The following DOCK3 variants were observed in gnomAD, a reference collection of about 807,000 sequenced individuals.
DOCK3 encodes the protein dedicator of cytokinesis protein 3.
DOCK3 carries 60 observed loss-of-function variants against 265.6 expected under a neutral mutation model. The ratio of observed to expected loss-of-function variants is 0.23; its 90% CI spans 0.18 to 0.28. DOCK3 has a LOEUF of 0.28. Among genes scored for constraint, DOCK3 ranks in the 10% least tolerant of loss-of-function variants. The pLI is 1.00. For missense variants in DOCK3, 1,981 were observed against 2,594.3 expected (o/e 0.76, Z 5.14); for synonymous variants, 881 against 938.0 (o/e 0.94, Z 1.11).
intron 6 of DOCK3, 138 bp downstream of exon 6, chr3:51,064,734 T>C: frequency 8.4e-7 from 1 of 1,183,520 alleles, no homozygotes; most frequent in Non-Finnish European, 1.2e-6. Flanking sequence ...TCATCATTTT[T>C]GCTAGGAGCA....
chr3:50,981,982 GGGACTACA>G (rs373133113), intron 5 of DOCK3, among the ~76,000 whole-genome samples: 98 of 152,212 alleles, frequency 6.4e-4, no homozygotes, highest in African/African-American at 2.3e-3. Flanking sequence ...CCCAGTAGCT[GGGACTACA>G]GGAGCATGCC....
rs2088750593 is a variant in DOCK3 at position 51,201,301 on chromosome 3, A to T, written c.1038-7473A>T. 3.3e-5 allele frequency among the ~76,000 whole-genome samples: 5 copies of T among 151,260 alleles called. No homozygotes were observed. The South Asian group carries it at 1.1e-3, about 32-fold the overall frequency. Reference sequence around the variant, plus strand: ...ACCCATCTCACGTGCAGAGACACACATAGGCTCAAAATAAAAGGATGGAGG... The same window carrying T: ...ACCCATCTCACGTGCAGAGACACACTTAGGCTCAAAATAAAAGGATGGAGG... On this transcript the variant is annotated intron_variant, in intron 12 of 52. Coordinates refer to ENST00000266037, the MANE Select transcript of DOCK3 (RefSeq NM_004947.5).
chr3:51,245,102 G>A (rs2078767007), intron 21 of DOCK3, among the ~76,000 whole-genome samples: 1 of 152,158 alleles, frequency 6.6e-6, no homozygotes, highest in Admixed American at 6.5e-5. Flanking sequence ...GCTGAGGCGG[G>A]TGGATCACTT....
intron 33 of DOCK3, 75 bp downstream of exon 33, chr3:51,330,298 A>T (rs12636641): frequency 2.1e-6 from 3 of 1,434,022 alleles, no homozygotes; most frequent in Non-Finnish European, 2.9e-6. Context: ...AGAGGTTGCA[A>T]CTGCACTGGC....
chr3:50,854,449 C>T (rs1416964819), intron 3 of DOCK3, among the ~76,000 whole-genome samples: 8 of 139,382 alleles, frequency 5.7e-5, no homozygotes, highest in South Asian at 2.4e-4. Context: ...TTTATTTTGG[C>T]GAACAGGGTC....
chr3:50,983,770 A>G (rs1284071200), intron 5 of DOCK3, among the ~76,000 whole-genome samples: 1 of 152,160 alleles, frequency 6.6e-6, no homozygotes, highest in Admixed American at 6.5e-5. Context: ...GTGAGGCTAA[A>G]AGAGCTATAA....
intron 2 of DOCK3, among the ~76,000 whole-genome samples, chr3:50,815,255 A>G (rs1408044006): frequency 6.6e-6 from 1 of 152,146 alleles, no homozygotes; most frequent in African/African-American, 2.4e-5. Context: ...TATTTGGCTT[A>G]TATGTCATTA....
intron 17 of DOCK3, among the ~76,000 whole-genome samples, chr3:51,228,290 T>A (rs1175520165): frequency 6.6e-6 from 1 of 152,224 alleles, no homozygotes; most frequent in Non-Finnish European, 1.5e-5. Context: ...GCCAACAGGT[T>A]CTTTGTTTTC....
intron 1 of DOCK3, among the ~76,000 whole-genome samples, chr3:50,692,139 ACTTCTAT>A (rs1045328429): frequency 2.0e-5 from 3 of 151,848 alleles, no homozygotes; most frequent in African/African-American, 4.8e-5. Flanking sequence ...CTGGTTTTGA[ACTTCTAT>A]CTTCTAGAGA....
At chr3:51,353,617 A>G (rs1057215578) in intron 40 of DOCK3, among the ~76,000 whole-genome samples, 10 of 152,090 alleles carry the variant, frequency 6.6e-5, no homozygotes, top group African/African-American at 2.4e-4. Context: ...TATCTCAAAA[A>G]AACAAAAAAA....
chr3:50,765,812 A>G (rs1045703163), intron 1 of DOCK3, among the ~76,000 whole-genome samples: 6 of 152,108 alleles, frequency 3.9e-5, no homozygotes, highest in Non-Finnish European at 7.4e-5. Flanking sequence ...TATACAATAC[A>G]TTATTGTTAA....
At position 51,146,578 on chromosome 3, in the gene DOCK3, A is replaced by C; in HGVS notation, c.776A>C (p.Asn259Thr). ...SERFLVRLNK[N>T]GGPRNPEKIE... ...CGGTTTCTGGTAAGACTGAACAAGAATGGTGGGCCGAGGAACCCAGAGAAG... is the reference window on the plus strand; with the variant it reads ...CGGTTTCTGGTAAGACTGAACAAGACTGGTGGGCCGAGGAACCCAGAGAAG... Residue 259 changes from asparagine (N) to threonine (T), a missense_variant, in exon 10 of 53, where the codon AAT (asparagine) becomes ACT (threonine). Transcript: ENST00000266037. 1 of 1,599,226 alleles carries C rather than the reference A, an allele frequency of 6.3e-7. No homozygotes were observed.
chr3:51,194,316 G>T (rs1170698473), intron 12 of DOCK3, among the ~76,000 whole-genome samples: 1 of 151,984 alleles, frequency 6.6e-6, no homozygotes, highest in Non-Finnish European at 1.5e-5. Context: ...TTGTTTTGTG[G>T]CCTAACATTT....
chr3:51,288,487 A>G (rs992121847), intron 27 of DOCK3, among the ~76,000 whole-genome samples: 2 of 152,020 alleles, frequency 1.3e-5, no homozygotes, highest in African/African-American at 4.8e-5. Context: ...AAAACTACCT[A>G]TCAGGTACTG....
chr3:50,821,491 G>A (rs566383578), intron 2 of DOCK3, among the ~76,000 whole-genome samples: 3 of 151,930 alleles, frequency 2.0e-5, no homozygotes, highest in East Asian at 1.9e-4. Context: ...TAGTAGAGAC[G>A]GGGTTTCACC....
intron 4 of DOCK3, among the ~76,000 whole-genome samples, chr3:50,919,481 GT>G (rs1344392006): frequency 6.6e-6 from 1 of 152,128 alleles, no homozygotes; most frequent in African/African-American, 2.4e-5. Context: ...TCCCTTGTAA[GT>G]TATATTCCTA....
intron 23 of DOCK3, among the ~76,000 whole-genome samples, chr3:51,260,851 G>A (rs1446501384): frequency 1.3e-5 from 2 of 151,964 alleles, no homozygotes; most frequent in East Asian, 1.9e-4. Context: ...GGGTGTGCTA[G>A]CATGCACCTG....
intron 9 of DOCK3, among the ~76,000 whole-genome samples, chr3:51,128,101 T>C (rs2084347811): frequency 6.6e-6 from 1 of 152,184 alleles, no homozygotes; most frequent in East Asian, 1.9e-4. Flanking sequence ...AATGGAATCA[T>C]TGTGTCTTTT....
chr3:51,090,336 C>T lies in DOCK3; in HGVS notation c.698C>T (p.Thr233Ile). Reference protein sequence around the residue: ...SFTYNTIGEDTDVFFSLYDMR... With the variant: ...SFTYNTIGEDIDVFFSLYDMR... ...ACTTACAATACTATTGGGGAAGATA[C>T]CGATGTCTTCTTTTCCTTATATGAC... Residue 233 changes from threonine (T) to isoleucine (I), a missense_variant, in exon 9 of 53, where the codon ACC becomes ATC. Coordinates refer to ENST00000266037, the MANE Select transcript of DOCK3 (RefSeq NM_004947.5). The T allele has an allele frequency of 6.2e-7, 1 of 1,605,590 alleles. No homozygotes were observed. The highest frequency in any genetic ancestry group is 8.5e-7 in the Non-Finnish European group (1 of 1,175,962).
Sources: allele counts gnomAD v4.1 joint callset (sites outside exome capture counted in the v4.1 genomes callset), GRCh38; gene constraint gnomAD v4.1.1; transcripts MANE v1.5; gene names NCBI Gene and HGNC (gene_info 2026-07-23, HGNC 2026-07-21).